Variants in CDH12 observed in about 807,000 individuals in gnomAD.
CDH12 encodes cadherin 12.
A neutral mutation model predicts 74.1 loss-of-function variants in CDH12; 41 were observed. That is an observed-to-expected ratio of 0.55 (90% CI 0.43 to 0.72). The LOEUF is 0.72. Ranked by LOEUF, CDH12 falls within the 30% of genes least tolerant of loss-of-function variation. The pLI is 0.00. For missense variants in CDH12, 945 were observed against 977.2 expected, an observed-to-expected ratio of 0.97 and a Z score of 0.44; for synonymous variants, 399 against 355.0, an observed-to-expected ratio of 1.12 and a Z score of -1.39.
At chr5:22,333,018 T>C (rs1207286421) in intron 3 of CDH12, among the ~76,000 whole-genome samples, 1 of 152,152 alleles carries the variant, frequency 6.6e-6, no homozygotes, top group East Asian at 1.9e-4. Flanking sequence ...CATGCACACA[T>C]ATGTTTATTG....
intron 4 of CDH12, among the ~76,000 whole-genome samples, chr5:22,146,283 A>G (rs1390249225): frequency 6.6e-6 from 1 of 152,094 alleles, no homozygotes; most frequent in African/African-American, 2.4e-5. Flanking sequence ...CACTCAAGTA[A>G]AAGTCCCCAT....
chr5:22,332,907 G>A (rs1191969207), intron 3 of CDH12, among the ~76,000 whole-genome samples: 2 of 152,110 alleles, frequency 1.3e-5, no homozygotes, highest in African/African-American at 2.4e-5. Context: ...AGACAGTTTG[G>A]TGATTCCTCA....
intron 2 of CDH12, among the ~76,000 whole-genome samples, chr5:22,470,742 T>C (rs1745925105): frequency 1.3e-5 from 2 of 152,146 alleles, no homozygotes; most frequent in East Asian, 1.9e-4. Context: ...ATAAGGTAGA[T>C]GATAGTCATC....
intron 4 of CDH12, among the ~76,000 whole-genome samples, chr5:22,147,150 C>T (rs1747239697): frequency 6.6e-6 from 1 of 152,098 alleles, no homozygotes; most frequent in East Asian, 1.9e-4. Flanking sequence ...TCATTCTGTA[C>T]TTACTTTGCT....
At chr5:22,449,675 C>T (rs1186282511) in intron 2 of CDH12, among the ~76,000 whole-genome samples, 1 of 151,924 alleles carries the variant, frequency 6.6e-6, no homozygotes, top group African/African-American at 2.4e-5. Flanking sequence ...TTGTACTTGA[C>T]CTTATCATCC....
At chr5:22,388,428 A>C (rs1742094546) in intron 3 of CDH12, among the ~76,000 whole-genome samples, 1 of 152,114 alleles carries the variant, frequency 6.6e-6, no homozygotes, top group Non-Finnish European at 1.5e-5. Context: ...AAATAATTAA[A>C]AGCCAACAGC....
intron 2 of CDH12, among the ~76,000 whole-genome samples, chr5:22,425,705 T>C (rs1743901925): frequency 6.6e-6 from 1 of 151,872 alleles, no homozygotes; most frequent in Non-Finnish European, 1.5e-5. Context: ...ATTACTTATA[T>C]ATAAAAATCA....
chr5:21,880,661 T>C (rs549104296), intron 6 of CDH12, among the ~76,000 whole-genome samples: 2 of 136,838 alleles, frequency 1.5e-5, no homozygotes, highest in Non-Finnish European at 3.2e-5. Flanking sequence ...CTTTCTTTCT[T>C]TCTTTCTTTC....
chr5:21,890,280 G>C (rs747657179), intron 6 of CDH12, among the ~76,000 whole-genome samples: 45 of 151,918 alleles, frequency 3.0e-4, no homozygotes, highest in Non-Finnish European at 4.1e-4. Context: ...TTTAATCAAT[G>C]GTTGCTTAAA....
chr5:22,756,732 C>T (rs911545644), intron 1 of CDH12, among the ~76,000 whole-genome samples: 1 of 152,022 alleles, frequency 6.6e-6, no homozygotes, highest in African/African-American at 2.4e-5. Flanking sequence ...GAGCCTGAGG[C>T]AGGTGGATCA....
At chr5:22,407,390 T>G (rs1333868565) in intron 2 of CDH12, among the ~76,000 whole-genome samples, 2 of 152,082 alleles carry the variant, frequency 1.3e-5, no homozygotes, top group African/African-American at 4.8e-5. Flanking sequence ...TTCTCAATAG[T>G]TTAAAATCCA....
chr5:21,857,973 CAG>C (rs370975450), intron 6 of CDH12, among the ~76,000 whole-genome samples: 113 of 148,092 alleles, frequency 7.6e-4, no homozygotes, highest in Admixed American at 7.4e-4. Context: ...GAGGCAGAGA[CAG>C]AGAGAGAGAG....
chr5:22,590,334 C>T (rs1740640253), intron 1 of CDH12, among the ~76,000 whole-genome samples: 1 of 151,928 alleles, frequency 6.6e-6, no homozygotes, highest in Non-Finnish European at 1.5e-5. Context: ...ACCTTATACA[C>T]CTAGTATATC....
rs748780371 is a variant in CDH12 at position 21,751,849 on chromosome 5, G to A, written c.2273C>T (p.Thr758Ile). Residue 758 changes from threonine (T) to isoleucine (I), a missense_variant, in exon 15 of 15, where the codon ACC (threonine) becomes ATC (isoleucine). Transcript: ENST00000382254. The stretch of plus-strand genomic sequence containing the variant: ...GTCATAGTCCTGGTCGGCTTCTGTG[G>A]TGAGAGAGTCTATAGAGCTGAGGGA... ...AESLSSIDSL[T>I]TEADQDYDYL... 1.2e-6 allele frequency: 2 copies of A among 1,614,082 alleles called. No individual in the cohort carries two copies. The highest frequency in any genetic ancestry group is 1.7e-6 in the Non-Finnish European group (2 of 1,180,020).
At chr5:22,692,805 T>G (rs919537708) in intron 1 of CDH12, among the ~76,000 whole-genome samples, 2 of 150,464 alleles carry the variant, frequency 1.3e-5, no homozygotes, top group Non-Finnish European at 2.9e-5. Context: ...AGACCAGAGT[T>G]AAGCTTACCT....
intron 1 of CDH12, among the ~76,000 whole-genome samples, chr5:22,638,392 G>A (rs747110527): frequency 5.9e-5 from 9 of 151,918 alleles, no homozygotes; most frequent in South Asian, 2.1e-4. Flanking sequence ...TGAAAAACTT[G>A]GAGTCTGATG....
At chr5:22,228,705 A>G (rs1329378592) in intron 3 of CDH12, among the ~76,000 whole-genome samples, 1 of 152,116 alleles carries the variant, frequency 6.6e-6, no homozygotes, top group Non-Finnish European at 1.5e-5. Context: ...GATTCTAATT[A>G]GCCTGAATGT....
intron 3 of CDH12, among the ~76,000 whole-genome samples, chr5:22,337,339 G>A (rs1739637708): frequency 6.6e-6 from 1 of 152,188 alleles, no homozygotes; most frequent in Non-Finnish European, 1.5e-5. Context: ...AGGAAGGCAT[G>A]ATTGGTTTTG....
chr5:22,317,119 A>G (rs141324378), intron 3 of CDH12, among the ~76,000 whole-genome samples: 6,453 of 152,196 alleles, frequency 0.042, 472 homozygotes, highest in African/African-American at 0.15. Flanking sequence ...GGAGTTCGAG[A>G]CCAGCCTGGC....
Sources: allele counts gnomAD v4.1 joint callset (sites outside exome capture counted in the v4.1 genomes callset), GRCh38; gene constraint gnomAD v4.1.1; transcripts MANE v1.5; gene names NCBI Gene and HGNC (gene_info 2026-07-23, HGNC 2026-07-21).